KIF6: variants seen among roughly 807,000 people sequenced by gnomAD.
KIF6 encodes the protein kinesin-like protein KIF6.
KIF6 carries 106 observed loss-of-function variants against 112.7 expected under a neutral mutation model. The observed-to-expected ratio is 0.94, with a 90% CI of 0.80 to 1.11. KIF6 has a LOEUF of 1.11. Among genes scored for constraint, KIF6 ranks in the 50% least tolerant of loss-of-function variants. The pLI is 0.00. For synonymous variants in KIF6, 339 were observed against 339.9 expected (o/e 1.00, Z 0.03); for missense variants, 929 against 964.0 (o/e 0.96, Z 0.48).
At chr6:39,491,351 C>T (rs1775473304) in intron 13 of KIF6, among the ~76,000 whole-genome samples, 1 of 152,080 alleles carries the variant, frequency 6.6e-6, no homozygotes. Flanking sequence ...ACTTTTCCAG[C>T]AAATTCTCTT....
chr6:39,706,505 C>A (rs780939714), intron 3 of KIF6, among the ~76,000 whole-genome samples: 1 of 152,022 alleles, frequency 6.6e-6, no homozygotes, highest in East Asian at 1.9e-4. Flanking sequence ...TGTTAGTGTC[C>A]CTGTTTTTAA....
rs1246696303 is a variant in KIF6 at position 39,431,052 on chromosome 6, C to A, written c.1754+1G>T. The A allele has an allele frequency of 1.2e-6, 2 of 1,600,798 alleles. No homozygotes were observed. Among genetic ancestry groups the A allele is most frequent in the Non-Finnish European group, 1.7e-6 (2 of 1,168,500 alleles). ...CCAGCTGCTCTCTGAGACAGCCTTA[C>A]CTCTGTTTCAGAATCTGTTTGTTGT... On this transcript the variant is annotated splice_donor_variant, in intron 14 of 22. Transcript: ENST00000287152. LOFTEE classifies it high-confidence loss of function.
chr6:39,470,587 G>A (rs1482683765), intron 13 of KIF6, among the ~76,000 whole-genome samples: 1 of 152,156 alleles, frequency 6.6e-6, no homozygotes, highest in African/African-American at 2.4e-5. Flanking sequence ...CGGGTGATGT[G>A]GAGAATGTTG....
chr6:39,651,409 G>C (rs1337396332), intron 3 of KIF6, among the ~76,000 whole-genome samples: 3 of 152,166 alleles, frequency 2.0e-5, no homozygotes, highest in African/African-American at 4.8e-5. Flanking sequence ...GCAGGATGGC[G>C]GGGGAGGGTA....
intron 8 of KIF6, among the ~76,000 whole-genome samples, chr6:39,585,946 G>A (rs1227815700): frequency 6.6e-6 from 1 of 152,160 alleles, no homozygotes; most frequent in Non-Finnish European, 1.5e-5. Flanking sequence ...CAAGAGAAGC[G>A]GATGGGTCAG....
chr6:39,612,838 C>T (rs374196135), intron 6 of KIF6, among the ~76,000 whole-genome samples: 8 of 152,132 alleles, frequency 5.3e-5, no homozygotes, highest in African/African-American at 1.7e-4. Context: ...AAACTTCCTA[C>T]AATTAAGACA....
intron 13 of KIF6, among the ~76,000 whole-genome samples, chr6:39,526,265 T>C (rs1028589284): frequency 3.3e-4 from 51 of 152,256 alleles, no homozygotes; most frequent in Non-Finnish European, 1.0e-4. Flanking sequence ...TTGATGCCTC[T>C]GGTTTGAATC....
chr6:39,507,492 G>T (rs1385011836), intron 13 of KIF6, among the ~76,000 whole-genome samples: 1 of 152,070 alleles, frequency 6.6e-6, no homozygotes, highest in African/African-American at 2.4e-5. Flanking sequence ...GAGGCCCTTG[G>T]TGGGCTGTTC....
At chr6:39,717,936 A>T (rs1266649969) in intron 2 of KIF6, among the ~76,000 whole-genome samples, 1 of 152,124 alleles carries the variant, frequency 6.6e-6, no homozygotes, top group Non-Finnish European at 1.5e-5. Context: ...TATATAAAGA[A>T]TACTTTGGGG....
intron 16 of KIF6, among the ~76,000 whole-genome samples, chr6:39,374,006 G>C (rs1766237427): frequency 6.6e-6 from 1 of 152,166 alleles, no homozygotes; most frequent in Non-Finnish European, 1.5e-5. Context: ...AATCAAAACA[G>C]CAGGGCACTG....
chr6:39,648,821 C>A lies in KIF6; in HGVS notation c.252-9064G>T, dbSNP rs1034673254. 3.9e-5 allele frequency among the ~76,000 whole-genome samples: 6 copies of A among 152,188 alleles called. No homozygotes were observed. In the East Asian group the frequency reaches 9.7e-4, roughly 25 times the overall value. ...CCCTGGAGGTGTACAATATAGAAGT[C>A]CTGCGTAAAGGCATGTGAGTTTAGT... On this transcript the variant is annotated intron_variant, in intron 3 of 22. Transcript: ENST00000287152.
chr6:39,431,667 G>A (rs1241293599), intron 13 of KIF6, among the ~76,000 whole-genome samples: 2 of 152,084 alleles, frequency 1.3e-5, no homozygotes, highest in East Asian at 1.9e-4. Context: ...AGGGGGTCTC[G>A]GCTCTTCTTC....
intron 6 of KIF6, among the ~76,000 whole-genome samples, chr6:39,599,008 G>A (rs188271920): frequency 1.9e-3 from 283 of 152,252 alleles, no homozygotes; most frequent in African/African-American, 6.3e-3. Flanking sequence ...GTGAGGGATG[G>A]AAATGAAAGG....
At chr6:39,479,091 G>A (rs1774632301) in intron 13 of KIF6, among the ~76,000 whole-genome samples, 1 of 152,044 alleles carries the variant, frequency 6.6e-6, no homozygotes, top group Admixed American at 6.6e-5. Flanking sequence ...CTATGCAGAA[G>A]CTCTTTAGTT....
chr6:39,357,042 T>C (rs1289034164), intron 19 of KIF6, among the ~76,000 whole-genome samples: 1 of 152,168 alleles, frequency 6.6e-6, no homozygotes, highest in Non-Finnish European at 1.5e-5. Flanking sequence ...TTGTCTCTTG[T>C]TACCATGGCA....
intron 10 of KIF6, among the ~76,000 whole-genome samples, chr6:39,575,295 G>A (rs1174393202): frequency 6.6e-6 from 1 of 151,120 alleles, no homozygotes; most frequent in Admixed American, 6.6e-5. Context: ...TTTTGAGATG[G>A]AGTCTCACTC....
At chr6:39,445,233 A>C (rs565542239) in intron 13 of KIF6, among the ~76,000 whole-genome samples, 48 of 152,290 alleles carry the variant, frequency 3.2e-4, no homozygotes, top group African/African-American at 1.2e-3. Flanking sequence ...GAGAAGATGA[A>C]GGGGCAGGGC....
At chr6:39,489,655 G>A (rs775048385) in intron 13 of KIF6, among the ~76,000 whole-genome samples, 2 of 152,128 alleles carry the variant, frequency 1.3e-5, no homozygotes, top group Non-Finnish European at 2.9e-5. Flanking sequence ...CCCAGTGACT[G>A]GTTTAATAGA....
At chr6:39,461,215 A>G (rs1773451615) in intron 13 of KIF6, among the ~76,000 whole-genome samples, 1 of 152,232 alleles carries the variant, frequency 6.6e-6, no homozygotes, top group African/African-American at 2.4e-5. Context: ...TCATAGGTCT[A>G]TAATGACAAT....
Sources: gnomAD v4.1 joint callset for allele counts (sites outside exome capture counted in the v4.1 genomes callset) on GRCh38, gnomAD v4.1.1 for gene constraint, MANE v1.5 for transcripts, NCBI Gene and HGNC (gene_info 2026-07-23, HGNC 2026-07-21) for gene names.